ARHGEF26: variants seen among roughly 807,000 people sequenced by gnomAD.
The protein encoded by ARHGEF26 is Rho guanine nucleotide exchange factor (GEF) 26.
ARHGEF26 carries 59 observed loss-of-function variants against 89.4 expected under a neutral mutation model. That is an observed-to-expected ratio of 0.66 (90% CI 0.54 to 0.82). The LOEUF (loss-of-function observed/expected upper bound fraction) is 0.82, where lower values mean the gene tolerates loss of function less well. Ranked by LOEUF, ARHGEF26 falls within the 40% of genes least tolerant of loss-of-function variation. The pLI is 0.00. For missense variants in ARHGEF26, 1,234 were observed against 1,085.6 expected, an observed-to-expected ratio of 1.14 and a Z score of -1.92; for synonymous variants, 500 against 428.4, an observed-to-expected ratio of 1.17 and a Z score of -2.06.
Position 154,240,589 on chromosome 3 carries a change from T to C in ARHGEF26, c.2300+10T>C, listed in dbSNP as rs773627066. ...TAGGAGCTGAGACGCAGTAAGTATA[T>C]GTGGGGAAAAGATTGGAATAGCTGA... On this transcript the variant is annotated intron_variant, in intron 12 of 14. Transcript: ENST00000465093. 6.3e-7 allele frequency: 1 copy of C among 1,595,898 alleles called. No individual in the cohort carries two copies. Among genetic ancestry groups the C allele is most frequent in the Admixed American group, 1.8e-5 (1 of 57,126 alleles).
chr3:154,211,867 A>ATGTGTGTGTG (rs3029699), intron 9 of ARHGEF26, among the ~76,000 whole-genome samples: 14 of 151,138 alleles, frequency 9.3e-5, no homozygotes, highest in African/African-American at 2.2e-4. Context: ...GTATATATAT[A>ATGTGTGTGTG]TGTGTGTGTG....
intron 11 of ARHGEF26, among the ~76,000 whole-genome samples, chr3:154,235,127 C>T (rs528181736): frequency 1.3e-5 from 2 of 152,034 alleles, no homozygotes; most frequent in South Asian, 4.2e-4. Flanking sequence ...TTACAATCAA[C>T]TCAACTATTT....
In ARHGEF26 at chr3:154,255,790, T is replaced by TA. The variant is rs1363229809; in HGVS notation, c.*318dup. 1.6e-5 allele frequency: 18 copies of TA among 1,114,992 alleles called. No individual in the cohort carries two copies. The African/African-American group carries it at 2.9e-4, about 18-fold the overall frequency. The allele number at this position is 1,114,992 out of a possible 1,614,324, so 69.1% of individuals were successfully genotyped here. A position where few individuals can be genotyped will look rare whatever the true frequency, so the allele number is the denominator to read the frequency against. On this transcript the variant is annotated 3_prime_UTR_variant, in exon 15 of 15. Transcript: ENST00000465093. ...CCATGTTCTGGCAATAAAAAACACATATTATATCCTGGTTTTCTCTATCCT... is the reference window on the plus strand; with the variant it reads ...CCATGTTCTGGCAATAAAAAACACATAATTATATCCTGGTTTTCTCTATCCT...
At position 154,237,538 on chromosome 3, in the gene ARHGEF26, TCA is replaced by T. The variant is rs71152796; in HGVS notation, c.2091-2798_2091-2797del. Among the ~76,000 whole-genome samples, 765 of 143,238 alleles carry T rather than the reference TCA, an allele frequency of 5.3e-3. 9 individuals carry two copies. The highest frequency in any genetic ancestry group is 0.031 in the South Asian group (131 of 4,286). 94.0% of individuals were successfully genotyped at this position (143,238 alleles called of 152,430 possible). A position where few individuals can be genotyped will look rare whatever the true frequency, so the allele number is the denominator to read the frequency against. ...GCCTGGGTGACAGAGTGAGACTCCGTCACACACACACACACACACACACACAC... is the reference window on the plus strand; with the variant it reads ...GCCTGGGTGACAGAGTGAGACTCCGTCACACACACACACACACACACACAC... On this transcript the variant is annotated intron_variant, in intron 11 of 14. Transcript: ENST00000465093.
Position 154,165,895 on chromosome 3 carries a change from G to GTTAGTCTT in ARHGEF26, c.1487+12968_1487+12975dup, listed in dbSNP as rs1416279122. On this transcript the variant is annotated intron_variant, in intron 6 of 14. Coordinates refer to ENST00000465093, the MANE Select transcript of ARHGEF26 (RefSeq NM_015595.4). ...CTATCCATGGTATGTGGATTTGGAAGTTAGTCTTTTAGAGACTTAGCTTTG... is the reference window on the plus strand; with the variant it reads ...CTATCCATGGTATGTGGATTTGGAAGTTAGTCTTTTAGTCTTTTAGAGACTTAGCTTTG... 4.6e-5 allele frequency among the ~76,000 whole-genome samples: 7 copies of GTTAGTCTT among 152,260 alleles called. No individual in the cohort carries two copies. In the East Asian group the frequency reaches 1.4e-3, roughly 29 times the overall value.
Position 154,253,085 on chromosome 3 carries a change from GTC to G in ARHGEF26, c.2301-26_2301-25del, listed in dbSNP as rs780653477. ...TCCATTCTGTGTTTTTACACCTTGA[GTC>G]TCTCAGTTGGATCTGCCCTCTGTTT... On this transcript the variant is annotated intron_variant, in intron 12 of 14. Transcript: ENST00000465093. 4 of 1,612,894 alleles carry G rather than the reference GTC, an allele frequency of 2.5e-6. No homozygotes were observed. The East Asian group carries it at 6.7e-5, about 27-fold the overall frequency.
chr3:154,142,169 A>G (rs1016558050), intron 4 of ARHGEF26, among the ~76,000 whole-genome samples: 14 of 152,192 alleles, frequency 9.2e-5, no homozygotes, highest in Admixed American at 3.3e-4. Flanking sequence ...TGGGCAGAAG[A>G]GGAGAAAATA....
At chr3:154,134,938 C>A (rs2108058086) in intron 4 of ARHGEF26, among the ~76,000 whole-genome samples, 1 of 152,234 alleles carries the variant, frequency 6.6e-6, no homozygotes, top group Middle Eastern at 3.4e-3. Flanking sequence ...CCTAGTTGAT[C>A]ATGGTGGATA....
intron 10 of ARHGEF26, among the ~76,000 whole-genome samples, chr3:154,219,590 TAA>T (rs956719129): frequency 1.6e-5 from 2 of 121,414 alleles, no homozygotes; most frequent in East Asian, 2.5e-4. Context: ...GCAAGACTCT[TAA>T]AAAAAAAAAA....
chr3:154,237,031 A>T (rs1717164358), intron 11 of ARHGEF26, among the ~76,000 whole-genome samples: 2 of 152,150 alleles, frequency 1.3e-5, no homozygotes, highest in South Asian at 4.1e-4. Flanking sequence ...TAAACACTTG[A>T]GGTGAAATCA....
chr3:154,200,562 T>C (rs79239401), intron 9 of ARHGEF26, among the ~76,000 whole-genome samples: 14,376 of 152,196 alleles, frequency 0.094, 751 homozygotes, highest in Middle Eastern at 0.14. Context: ...TGGTTTCATA[T>C]ACATTTTAGG....
chr3:154,253,168 C>T lies in ARHGEF26; in HGVS notation c.2353C>T (p.Pro785Ser). 3 of 1,614,032 alleles carry T rather than the reference C, an allele frequency of 1.9e-6. No homozygotes were observed. Among genetic ancestry groups the T allele is most frequent in the Non-Finnish European group, 2.5e-6 (3 of 1,179,884 alleles). ...CCTGGGACACAGCAGCGGGAAGCCG[C>T]CTGCAGACCGAACCTGTAAGTTCTC... ...TALGHSSGKPPADRTSLTQVE... is the reference protein window; with the variant it reads ...TALGHSSGKPSADRTSLTQVE... Residue 785 changes from proline (P) to serine (S), a missense_variant, in exon 13 of 15, where the codon CCT (proline) becomes TCT (serine). By Grantham distance (74) the Pro-to-Ser change is moderately conservative. Transcript: ENST00000465093.
chr3:154,251,882 G>T (rs562706467), intron 12 of ARHGEF26, among the ~76,000 whole-genome samples: 187 of 152,344 alleles, frequency 1.2e-3, no homozygotes, highest in South Asian at 2.1e-3. Context: ...TGGCGCATCT[G>T]TGTCTTGGTA....
chr3:154,127,600 ATTTTTTTTT>A (rs59102588), intron 3 of ARHGEF26, among the ~76,000 whole-genome samples: 2 of 139,766 alleles, frequency 1.4e-5, no homozygotes, highest in African/African-American at 5.3e-5. Context: ...ACAGTTAACT[ATTTTTTTTT>A]TTTTTTTTTG....
intron 6 of ARHGEF26, among the ~76,000 whole-genome samples, chr3:154,184,656 C>T (rs1713407566): frequency 6.6e-6 from 1 of 152,116 alleles, no homozygotes; most frequent in South Asian, 2.1e-4. Flanking sequence ...ATGCTGGGTC[C>T]TCTTGATTTC....
intron 4 of ARHGEF26, among the ~76,000 whole-genome samples, chr3:154,147,662 A>G (rs932035063): frequency 2.0e-5 from 3 of 152,208 alleles, no homozygotes; most frequent in African/African-American, 7.2e-5. Flanking sequence ...TCATGCTACA[A>G]AGCCTGGAAC....
intron 4 of ARHGEF26, among the ~76,000 whole-genome samples, chr3:154,130,511 G>A (rs1441193613): frequency 2.0e-5 from 3 of 152,124 alleles, no homozygotes; most frequent in African/African-American, 4.8e-5. Context: ...ATGATATTCT[G>A]TTCCATCTCT....
intron 11 of ARHGEF26, 65 bp from the exon 12 acceptor site, chr3:154,240,305 G>T: frequency 7.7e-7 from 1 of 1,300,984 alleles, no homozygotes; most frequent in South Asian, 1.5e-5. Flanking sequence ...AATGTGCCTC[G>T]AAAACTGACA....
At chr3:154,232,879 G>A (rs1400472007) in intron 11 of ARHGEF26, among the ~76,000 whole-genome samples, 1 of 151,630 alleles carries the variant, frequency 6.6e-6, no homozygotes, top group African/African-American at 2.4e-5. Context: ...CCAGGCTGGA[G>A]TGCAGTGGCA....
Sources: gnomAD v4.1 joint callset for allele counts (sites outside exome capture counted in the v4.1 genomes callset) on GRCh38, gnomAD v4.1.1 for gene constraint, MANE v1.5 for transcripts, NCBI Gene and HGNC (gene_info 2026-07-23, HGNC 2026-07-21) for gene names.